Variants in NHEJ1 observed in about 807,000 individuals in gnomAD.
NHEJ1 encodes non-homologous end joining factor 1.
Under a neutral mutation model 39.4 loss-of-function variants are expected in NHEJ1, and 22 were observed. The observed-to-expected ratio is 0.56, with a 90% CI of 0.40 to 0.80. The LOEUF is 0.80. Ranked by LOEUF, NHEJ1 falls within the 30% of genes least tolerant of loss-of-function variation. The pLI is 0.00. For synonymous variants in NHEJ1, 154 were observed against 135.6 expected, an observed-to-expected ratio of 1.14 and a Z score of -0.94; for missense variants, 329 against 357.1, an observed-to-expected ratio of 0.92 and a Z score of 0.63.
chr2:219,148,907 G>C (rs1178949352), intron 3 of NHEJ1, among the ~76,000 whole-genome samples: 1 of 151,132 alleles, frequency 6.6e-6, no homozygotes, highest in East Asian at 1.9e-4. Flanking sequence ...TTTTGAGAAG[G>C]AGTTTCGCTC....
intron 5 of NHEJ1, among the ~76,000 whole-genome samples, chr2:219,097,344 T>C (rs1949217757): frequency 6.6e-6 from 1 of 152,088 alleles, no homozygotes; most frequent in Admixed American, 6.5e-5. Flanking sequence ...CAGACCAAGG[T>C]ATTAGAGCAG....
chr2:219,135,891 A>G (rs1486581631), intron 5 of NHEJ1, among the ~76,000 whole-genome samples: 1 of 152,202 alleles, frequency 6.6e-6, no homozygotes, highest in Non-Finnish European at 1.5e-5. Flanking sequence ...AGAGGAAAAA[A>G]TAGTTTTCAC....
intron 5 of NHEJ1, among the ~76,000 whole-genome samples, chr2:219,082,328 A>G (rs1949074847): frequency 6.6e-6 from 1 of 152,216 alleles, no homozygotes; most frequent in Admixed American, 6.5e-5. Context: ...TCCCTACTGC[A>G]GCCCATCTTG....
chr2:219,129,755 C>T (rs747228877), intron 5 of NHEJ1, among the ~76,000 whole-genome samples: 32 of 152,232 alleles, frequency 2.1e-4, no homozygotes, highest in Non-Finnish European at 3.5e-4. Context: ...AATTTAACGC[C>T]CTGCGCGGCC....
intron 5 of NHEJ1, among the ~76,000 whole-genome samples, chr2:219,114,489 C>T (rs1264948269): frequency 6.6e-6 from 1 of 152,114 alleles, no homozygotes; most frequent in Non-Finnish European, 1.5e-5. Context: ...AAGGGCACTC[C>T]AACATTGAAG....
At chr2:219,141,094 G>C (rs1018405492) in intron 5 of NHEJ1, among the ~76,000 whole-genome samples, 2 of 152,052 alleles carry the variant, frequency 1.3e-5, no homozygotes, top group African/African-American at 2.4e-5. Context: ...AAAAGGGACA[G>C]AAAGGCCAGG....
At chr2:219,076,532 T>C in intron 7 of NHEJ1, 77 bp from the exon 8 acceptor site, 1 of 996,074 alleles carries the variant, frequency 1.0e-6, no homozygotes, top group Non-Finnish European at 1.6e-6. Context: ...TTTCTTCCTC[T>C]CATGGCTCCT....
At chr2:219,125,236 A>G (rs751642124) in intron 5 of NHEJ1, among the ~76,000 whole-genome samples, 10 of 152,256 alleles carry the variant, frequency 6.6e-5, no homozygotes, top group South Asian at 2.1e-4. Context: ...AAGAGAAGCA[A>G]CGCAGCTTGA....
intron 5 of NHEJ1, among the ~76,000 whole-genome samples, chr2:219,110,520 C>T (rs1384988958): frequency 1.4e-5 from 1 of 69,652 alleles, no homozygotes; most frequent in African/African-American, 5.7e-5. Context: ...GAGATGCTGC[C>T]AAAAAAAAAA....
chr2:219,159,514 TATATATATATGCATATATATATGC>T (rs66875405), intron 1 of NHEJ1, among the ~76,000 whole-genome samples: 10 of 43,972 alleles, frequency 2.3e-4, no homozygotes, highest in South Asian at 8.9e-4. Context: ...GACATAACTT[TATATATATATGCATATATATATGC>T]ATATATATAT....
Position 219,158,339 on chromosome 2 carries a change from C to T in NHEJ1, c.24G>A (p.Leu8=), listed in dbSNP as rs747201918. Residue 8 remains leucine (L), a synonymous_variant, in exon 2 of 8, where the codon CTG becomes CTA. Coordinates refer to ENST00000356853, the MANE Select transcript of NHEJ1 (RefSeq NM_024782.3). MEELEQG[L]LMQPWAWLQL... ...GTAGCCACGCCCATGGCTGCATCAA[C>T]AGGCCTTGCTCCAGTTCTTCCATCT... The T allele has an allele frequency of 3.1e-6, 5 of 1,614,226 alleles. No individual in the cohort carries two copies. In the South Asian group the frequency reaches 5.5e-5, roughly 18 times the overall value.
At position 219,109,121 on chromosome 2, in the gene NHEJ1, GAAC is replaced by G. The variant is rs200453448; in HGVS notation, c.589-30918_589-30916del. On this transcript the variant is annotated intron_variant, in intron 5 of 7. Transcript: ENST00000356853. ...AAACTATGGTTACCATTCTCAGACAGAACAACAAGCCCCCAACCCTCTACATCC... is the reference window on the plus strand; with the variant it reads ...AAACTATGGTTACCATTCTCAGACAGAACAAGCCCCCAACCCTCTACATCC... Among the ~76,000 whole-genome samples, 1,410 of 152,154 alleles carry G rather than the reference GAAC, an allele frequency of 9.3e-3. 52 individuals carry two copies. The highest frequency in any genetic ancestry group is 0.074 in the Admixed American group (1,136 of 15,294).
At position 219,076,263 on chromosome 2, in the gene NHEJ1, C is replaced by T; in HGVS notation, c.*118G>A. Reference sequence around the variant, plus strand: ...ATCAACTTCAGTTCTCTCGCCCTTACAGGAGGCCTCTGACTGTATCACTAT... The same window carrying T: ...ATCAACTTCAGTTCTCTCGCCCTTATAGGAGGCCTCTGACTGTATCACTAT... On this transcript the variant is annotated 3_prime_UTR_variant, in exon 8 of 8. Transcript: ENST00000356853. 1.3e-6 allele frequency: 2 copies of T among 1,584,302 alleles called. No individual in the cohort carries two copies. The highest frequency in any genetic ancestry group is 1.7e-6 in the Non-Finnish European group (2 of 1,164,794).
intron 3 of NHEJ1, among the ~76,000 whole-genome samples, chr2:219,152,100 T>TA (rs1949801731): frequency 6.6e-6 from 1 of 152,146 alleles, no homozygotes; most frequent in Non-Finnish European, 1.5e-5. Context: ...TATATGAAGA[T>TA]ATACAGTTCA....
chr2:219,080,680 AATATATATGCTTAT>A (rs1439441260), intron 5 of NHEJ1, among the ~76,000 whole-genome samples: 43 of 83,134 alleles, frequency 5.2e-4, no homozygotes, highest in Middle Eastern at 0.013. Context: ...TATATATGCT[AATATATATGCTTAT>A]ATATATATAT....
At chr2:219,156,296 C>T (rs114173452) in intron 3 of NHEJ1, among the ~76,000 whole-genome samples, 2,733 of 152,266 alleles carry the variant, frequency 0.018, 77 homozygotes, top group African/African-American at 0.062. Context: ...CAAACAATTT[C>T]TCAAGAAGTC....
chr2:219,118,010 T>C (rs768020618), intron 5 of NHEJ1, among the ~76,000 whole-genome samples: 1 of 152,200 alleles, frequency 6.6e-6, no homozygotes, highest in Non-Finnish European at 1.5e-5. Context: ...GGTTTCCCCT[T>C]TATTCTATGC....
intron 5 of NHEJ1, among the ~76,000 whole-genome samples, chr2:219,081,081 C>G (rs969999816): frequency 3.9e-5 from 6 of 152,176 alleles, no homozygotes; most frequent in African/African-American, 9.7e-5. Context: ...GGAACAAGCT[C>G]CCCAAGGTGA....
At chr2:219,145,687 A>G (rs1164822312) in intron 5 of NHEJ1, among the ~76,000 whole-genome samples, 2 of 152,206 alleles carry the variant, frequency 1.3e-5, no homozygotes, top group East Asian at 3.8e-4. Flanking sequence ...TAATCCCAGC[A>G]CTTTGGGAGG....
Sources: gnomAD v4.1 joint callset for allele counts (sites outside exome capture counted in the v4.1 genomes callset) on GRCh38, gnomAD v4.1.1 for gene constraint, MANE v1.5 for transcripts, NCBI Gene and HGNC (gene_info 2026-07-23, HGNC 2026-07-21) for gene names.